Variants in APTX observed in about 807,000 individuals in gnomAD.
APTX encodes aprataxin.
A neutral mutation model predicts 42.3 loss-of-function variants in APTX; 33 were observed. The ratio of observed to expected loss-of-function variants is 0.78; its 90% CI spans 0.59 to 1.04. The LOEUF (loss-of-function observed/expected upper bound fraction) is 1.04. APTX is among the 50% of genes least tolerant of loss of function. The pLI is 0.00. For synonymous variants in APTX, 130 were observed against 146.7 expected, an observed-to-expected ratio of 0.89 and a Z score of 0.82; for missense variants, 421 against 415.1, an observed-to-expected ratio of 1.01 and a Z score of -0.12.
intron 1 of APTX, chr9:33,019,954 C>A (rs1838237722): frequency 4.5e-6 from 2 of 446,738 alleles, no homozygotes; most frequent in Non-Finnish European, 4.1e-6. Context: ...TGAATATGTG[C>A]GGCCGCATTC....
At position 33,000,883 on chromosome 9, in the gene APTX, G is replaced by T. The variant is rs182215356; in HGVS notation, c.-5+684C>A. Among the ~76,000 whole-genome samples the T allele has an allele frequency of 5.0e-3, 655 of 131,340 alleles. 8 individuals are homozygous for T. Among genetic ancestry groups the T allele is most frequent in the African/African-American group, 0.018 (636 of 35,036 alleles). The allele number at this position is 131,340 out of a possible 152,430, so 86.2% of individuals were successfully genotyped here. On this transcript the variant is annotated intron_variant, in intron 1 of 7. Coordinates refer to ENST00000379817, the MANE Select transcript of APTX (RefSeq NM_001195248.2). ...TTTTTGAGACGGAGTTTCGCTCTTGGCATGCCCAGGCTGGAGTGCAATGGC... is the reference window on the plus strand; with the variant it reads ...TTTTTGAGACGGAGTTTCGCTCTTGTCATGCCCAGGCTGGAGTGCAATGGC...
chr9:32,990,195 C>G (rs1166862279), intron 1 of APTX: 1 of 285,660 alleles, frequency 3.5e-6, no homozygotes, highest in African/African-American at 2.2e-5. Context: ...TATTTTGAGA[C>G]AGAGTCTCGC....
intron 1 of APTX, among the ~76,000 whole-genome samples, chr9:33,011,669 T>C (rs1173653462): frequency 6.6e-6 from 1 of 152,200 alleles, no homozygotes; most frequent in Non-Finnish European, 1.5e-5. Flanking sequence ...CAATTCTGCG[T>C]TTCTTTAAAT....
At chr9:32,987,914 C>T in intron 3 of APTX, 68 bp from the exon 4 acceptor site, 3 of 1,574,672 alleles carry the variant, frequency 1.9e-6, no homozygotes, top group South Asian at 2.2e-5. Flanking sequence ...ATAGCCACTG[C>T]TATGTTAACC....
At chr9:32,992,361 A>G (rs1833849458) in intron 1 of APTX, among the ~76,000 whole-genome samples, 3 of 152,260 alleles carry the variant, frequency 2.0e-5, no homozygotes, top group Non-Finnish European at 2.9e-5. Flanking sequence ...GTGCGAGTAT[A>G]TGAGTACTAA....
chr9:33,019,922 G>T (rs1269392653), intron 1 of APTX: 6 of 510,560 alleles, frequency 1.2e-5, no homozygotes, highest in African/African-American at 2.0e-5. Flanking sequence ...CTCTAAGGGG[G>T]TCGGGAAAGG....
intron 1 of APTX, among the ~76,000 whole-genome samples, chr9:33,013,720 T>C (rs1587654634): frequency 1.3e-5 from 2 of 152,114 alleles, no homozygotes; most frequent in Non-Finnish European, 1.5e-5. Flanking sequence ...GACAGAATGG[T>C]GTGAACCCGG....
chr9:33,013,763 C>T (rs1446439691), intron 1 of APTX, among the ~76,000 whole-genome samples: 2 of 152,170 alleles, frequency 1.3e-5, no homozygotes, highest in East Asian at 3.8e-4. Context: ...GAGATTGCGC[C>T]ACTGCACTCC....
At chr9:33,003,058 A>C (rs1836816328), upstream of APTX, among the ~76,000 whole-genome samples, 1 of 152,240 alleles carries the variant, frequency 6.6e-6, no homozygotes, top group Non-Finnish European at 1.5e-5. Context: ...CAAGATAAAA[A>C]GAGGCAACTC....
intron 1 of APTX, among the ~76,000 whole-genome samples, chr9:33,023,498 C>T (rs1469864276): frequency 2.6e-5 from 4 of 152,236 alleles, no homozygotes; most frequent in Admixed American, 1.3e-4. Flanking sequence ...GCTGGGATTA[C>T]AGGTGTGAGG....
At chr9:33,015,034 G>T (rs1373371605) in intron 1 of APTX, among the ~76,000 whole-genome samples, 1 of 152,224 alleles carries the variant, frequency 6.6e-6, no homozygotes, top group Non-Finnish European at 1.5e-5. Context: ...TGTATCAAAT[G>T]TGAAGGTCAT....
At chr9:32,986,106 T>A in intron 4 of APTX, 76 bp from the exon 5 acceptor site, 2 of 1,365,366 alleles carry the variant, frequency 1.5e-6, no homozygotes, top group Non-Finnish European at 2.1e-6. Context: ...ATAATTAAAT[T>A]TGGCAACAGT....
intron 1 of APTX, among the ~76,000 whole-genome samples, chr9:32,999,617 G>A (rs540953844): frequency 6.6e-5 from 10 of 152,312 alleles, no homozygotes; most frequent in African/African-American, 2.4e-4. Context: ...CTTTAAAAGG[G>A]AAAGCAGAGG....
chr9:32,973,048 C>G lies in APTX; in HGVS notation c.*450G>C, dbSNP rs924560935. On this transcript the variant is annotated 3_prime_UTR_variant, in exon 8 of 8. Coordinates refer to ENST00000379817, the MANE Select transcript of APTX (RefSeq NM_001195248.2). ...AAAAGAATATTACAAAACAGACTAA[C>G]AGAAAACAAGACCCATCAGTATCTT... is the stretch of plus-strand genomic sequence containing the variant. 1 of 454,332 alleles carries G rather than the reference C, an allele frequency of 2.2e-6. No homozygotes were observed. The highest frequency in any genetic ancestry group is 2.0e-5 in the African/African-American group (1 of 50,026). 28.1% of individuals were successfully genotyped at this position (454,332 alleles called of 1,614,324 possible). A position where few individuals can be genotyped will look rare whatever the true frequency, so the allele number is the denominator to read the frequency against.
chr9:32,992,890 G>A (rs1833963452), intron 1 of APTX, among the ~76,000 whole-genome samples: 1 of 152,156 alleles, frequency 6.6e-6, no homozygotes, highest in South Asian at 2.1e-4. Context: ...TCCTAAACCT[G>A]GAGCCTCAAA....
chr9:33,004,081 T>C (rs2119181013), upstream of APTX, among the ~76,000 whole-genome samples: 2 of 152,350 alleles, frequency 1.3e-5, 1 homozygote, highest in African/African-American at 4.8e-5. Flanking sequence ...CACAGAATAC[T>C]ACTCAGCCAT....
upstream of APTX, among the ~76,000 whole-genome samples, chr9:33,001,820 C>G (rs1238693429): frequency 6.6e-6 from 1 of 152,238 alleles, no homozygotes; most frequent in Non-Finnish European, 1.5e-5. Context: ...CTCAGCATCT[C>G]TCTGCCTGAG....
intron 1 of APTX, among the ~76,000 whole-genome samples, chr9:33,020,599 A>T (rs1172835465): frequency 1.3e-5 from 2 of 152,258 alleles, no homozygotes; most frequent in Non-Finnish European, 2.9e-5. Context: ...TAGAGTGTTT[A>T]GCGCAGTGCC....
upstream of APTX, among the ~76,000 whole-genome samples, chr9:33,002,818 G>A (rs1226020226): frequency 6.6e-6 from 1 of 152,222 alleles, no homozygotes; most frequent in Non-Finnish European, 1.5e-5. Context: ...TCAAGGTGGA[G>A]TATTGTTTCC....
Sources: allele counts gnomAD v4.1 joint callset (sites outside exome capture counted in the v4.1 genomes callset), GRCh38; gene constraint gnomAD v4.1.1; transcripts MANE v1.5; gene names NCBI Gene and HGNC (gene_info 2026-07-23, HGNC 2026-07-21).